Variants in CEP112 observed in about 807,000 individuals in gnomAD.
CEP112 encodes the protein centrosomal protein of 112 kDa.
Under a neutral mutation model 153.0 loss-of-function variants are expected in CEP112, and 127 were observed. The ratio of observed to expected loss-of-function variants is 0.83; its 90% CI spans 0.72 to 0.96. The LOEUF is 0.96. CEP112 is among the 40% of genes least tolerant of loss of function. The probability of loss-of-function intolerance (pLI) is 0.00; values close to 1 mark genes in which losing one functional copy is unlikely to be tolerated. For missense variants in CEP112, 1,089 were observed against 1,101.2 expected (o/e 0.99, Z 0.16); for synonymous variants, 358 against 374.4 (o/e 0.96, Z 0.51).
Position 66,053,604 on chromosome 17 carries a change from A to G in CEP112, c.1218+132T>C. ...CATGGCCACACATAAATCTGTATGG[A>G]GTAGGAAGGTAAAGTTTTTCTTTTG... On this transcript the variant is annotated intron_variant, in intron 12 of 26. Transcript: ENST00000535342. 6.1e-6 allele frequency: 5 copies of G among 818,636 alleles called. No individual in the cohort carries two copies. In the South Asian group the frequency reaches 9.3e-5, roughly 15 times the overall value. The allele number at this position is 818,636 out of a possible 1,614,324, so 50.7% of individuals were successfully genotyped here.
At chr17:65,815,384 G>A (rs1437976173) in intron 21 of CEP112, among the ~76,000 whole-genome samples, 1 of 152,042 alleles carries the variant, frequency 6.6e-6, no homozygotes, top group Non-Finnish European at 1.5e-5. Context: ...TGGTTGATAT[G>A]TTAATCTTTA....
chr17:65,899,051 A>T (rs1386516572), intron 20 of CEP112, among the ~76,000 whole-genome samples: 1 of 152,222 alleles, frequency 6.6e-6, no homozygotes, highest in Non-Finnish European at 1.5e-5. Context: ...AAGCAAAATA[A>T]GAATTACATG....
intron 12 of CEP112, among the ~76,000 whole-genome samples, chr17:66,038,110 A>AAAAAAAGAAAAGAAAAGAAAAG (rs71293591): frequency 1.7e-5 from 2 of 120,658 alleles, no homozygotes; most frequent in African/African-American, 6.6e-5. Context: ...CAAAAAAAAA[A>AAAAAAAGAAAAGAAAAGAAAAG]AAAAGAAAAG....
chr17:66,129,715 A>G, intron 6 of CEP112, 31 bp downstream of exon 6: 1 of 1,433,812 alleles, frequency 7.0e-7, no homozygotes, highest in Admixed American at 1.8e-5. Flanking sequence ...TGACACATCT[A>G]TATATACATA....
chr17:65,863,083 T>C (rs1378004690), intron 20 of CEP112, among the ~76,000 whole-genome samples: 2 of 152,222 alleles, frequency 1.3e-5, no homozygotes, highest in Admixed American at 6.5e-5. Flanking sequence ...TTTTAAATCA[T>C]ATGAAATGTA....
At chr17:65,782,892 T>C (rs2054077858) in intron 21 of CEP112, among the ~76,000 whole-genome samples, 1 of 152,004 alleles carries the variant, frequency 6.6e-6, no homozygotes, top group Non-Finnish European at 1.5e-5. Context: ...GACAGGATCA[T>C]TTGTACCATA....
chr17:66,028,290 C>A, intron 15 of CEP112, 23 bp downstream of exon 15: 6 of 1,387,556 alleles, frequency 4.3e-6, no homozygotes, highest in Non-Finnish European at 6.1e-6. Flanking sequence ...CATTGTTCTT[C>A]TGTGTAGAAA....
At chr17:65,811,513 C>T (rs1206616165) in intron 21 of CEP112, among the ~76,000 whole-genome samples, 2 of 152,116 alleles carry the variant, frequency 1.3e-5, no homozygotes, top group Non-Finnish European at 2.9e-5. Flanking sequence ...AGTCATACCC[C>T]TGAACAGGTG....
At chr17:65,906,433 GAGTT>G (rs1167745246) in intron 19 of CEP112, among the ~76,000 whole-genome samples, 5 of 151,660 alleles carry the variant, frequency 3.3e-5, no homozygotes, top group African/African-American at 1.2e-4. Flanking sequence ...TAATAATAAA[GAGTT>G]AGAAAATCAA....
rs1163089510 is a variant in CEP112, at chr17:66,028,390, C to T, written c.1519G>A (p.Glu507Lys). The T allele has an allele frequency of 1.9e-6, 3 of 1,581,854 alleles. No homozygotes were observed. In the Admixed American group the frequency reaches 5.2e-5, roughly 27 times the overall value. Residue 507 changes from glutamate (E) to lysine (K), a missense_variant, in exon 15 of 27, where the codon GAA (glutamate) becomes AAA (lysine). Physicochemically the swap from Glu to Lys is moderately conservative, Grantham distance 56. Transcript: ENST00000535342. The part of the protein sequence containing the change: ...LSASKASSMI[E>K]ELEQNVCQLK... The stretch of plus-strand genomic sequence containing the variant: ...TGACAGACATTCTGCTCTAATTCTT[C>T]AATCATACTAGATGCCTACAAGGAT...
At chr17:65,896,970 AC>A (rs2059680759) in intron 20 of CEP112, among the ~76,000 whole-genome samples, 1 of 152,118 alleles carries the variant, frequency 6.6e-6, no homozygotes, top group South Asian at 2.1e-4. Flanking sequence ...CTAATGCCTA[AC>A]ATTAAACTTT....
At chr17:65,826,243 T>C in intron 21 of CEP112, 1 of 1,614,046 alleles carries the variant, frequency 6.2e-7, no homozygotes, top group Non-Finnish European at 8.5e-7. Flanking sequence ...TCTCTATCAG[T>C]CTCAGGGCTT....
At chr17:65,973,219 C>T (rs1045426342) in intron 17 of CEP112, among the ~76,000 whole-genome samples, 4 of 152,200 alleles carry the variant, frequency 2.6e-5, no homozygotes, top group African/African-American at 9.6e-5. Flanking sequence ...ATGACACCAA[C>T]AGCACAATTT....
At chr17:65,878,212 A>G (rs2058912160) in intron 20 of CEP112, among the ~76,000 whole-genome samples, 2 of 151,940 alleles carry the variant, frequency 1.3e-5, no homozygotes, top group Admixed American at 6.6e-5. Flanking sequence ...GGAAGGAAGG[A>G]AGGGAGGGAG....
chr17:65,676,405 C>T (rs754039205), intron 24 of CEP112, among the ~76,000 whole-genome samples: 4 of 150,852 alleles, frequency 2.7e-5, no homozygotes, highest in Non-Finnish European at 4.4e-5. Flanking sequence ...TCCTACCACC[C>T]AGAAGATGTT....
At chr17:65,715,194 A>G (rs555518079) in intron 23 of CEP112, among the ~76,000 whole-genome samples, 21 of 152,126 alleles carry the variant, frequency 1.4e-4, no homozygotes, top group Non-Finnish European at 2.8e-4. Flanking sequence ...GATGGAGGGG[A>G]AATATGCTGA....
chr17:65,920,407 TTATAA>T (rs1179320766), intron 19 of CEP112, among the ~76,000 whole-genome samples: 1 of 60,026 alleles, frequency 1.7e-5, no homozygotes, highest in Non-Finnish European at 3.5e-5. Flanking sequence ...ATATATATAA[TTATAA>T]TATATAATAT....
chr17:65,746,837 A>G (rs1402529192), intron 22 of CEP112, among the ~76,000 whole-genome samples: 1 of 152,176 alleles, frequency 6.6e-6, no homozygotes, highest in Admixed American at 6.5e-5. Context: ...ATAATTAAAA[A>G]CCATAGAACA....
At chr17:66,027,168 G>A (rs2065248124) in intron 16 of CEP112, among the ~76,000 whole-genome samples, 1 of 152,194 alleles carries the variant, frequency 6.6e-6, no homozygotes, top group Non-Finnish European at 1.5e-5. Flanking sequence ...CTTGAGGCCA[G>A]GAATTCCAGA....
Sources: allele counts gnomAD v4.1 joint callset (sites outside exome capture counted in the v4.1 genomes callset), GRCh38; gene constraint gnomAD v4.1.1; transcripts MANE v1.5; gene names NCBI Gene and HGNC (gene_info 2026-07-23, HGNC 2026-07-21).